ABCB5: variants seen among roughly 807,000 people sequenced by gnomAD.
The protein encoded by ABCB5 is ATP binding cassette subfamily B member 5.
A neutral mutation model predicts 144.2 loss-of-function variants in ABCB5; 155 were observed. The observed-to-expected ratio is 1.08, with a 90% CI of 0.94 to 1.23. The LOEUF is 1.23. Among genes scored for constraint, ABCB5 ranks in the 50% most tolerant of loss-of-function variants. ABCB5 has a pLI of 0.00. For missense variants in ABCB5, 1,830 were observed against 1,520.8 expected (o/e 1.20, Z -3.38); for synonymous variants, 610 against 528.6 (o/e 1.15, Z -2.11).
At chr7:20,661,691 C>T (rs1400539821) in intron 14 of ABCB5, among the ~76,000 whole-genome samples, 4 of 151,764 alleles carry the variant, frequency 2.6e-5, no homozygotes, top group African/African-American at 7.3e-5. Context: ...CGCACCACCA[C>T]GCCCAGCTAA....
intron 14 of ABCB5, among the ~76,000 whole-genome samples, chr7:20,668,600 G>GA (rs1311455162): frequency 1.4e-5 from 2 of 146,540 alleles, no homozygotes; most frequent in South Asian, 2.2e-4. Flanking sequence ...TGGGGGGGGG[G>GA]GTCAGCCCCC....
chr7:20,716,665 A>G (rs1471670873), intron 20 of ABCB5, among the ~76,000 whole-genome samples: 1 of 152,194 alleles, frequency 6.6e-6, no homozygotes, highest in East Asian at 1.9e-4. Flanking sequence ...TCAAAAGACC[A>G]TAGTAAGGAG....
intron 14 of ABCB5, among the ~76,000 whole-genome samples, chr7:20,662,928 TG>T (rs1785049388): frequency 6.6e-6 from 1 of 152,206 alleles, no homozygotes; most frequent in South Asian, 2.1e-4. Flanking sequence ...AAGCCATTTG[TG>T]GGTCCTTATT....
At chr7:20,732,666 T>C (rs1039855683) in intron 23 of ABCB5, among the ~76,000 whole-genome samples, 1 of 152,218 alleles carries the variant, frequency 6.6e-6, no homozygotes, top group Non-Finnish European at 1.5e-5. Context: ...TCTAATTTTC[T>C]TCTTTTCTAC....
In ABCB5 at chr7:20,735,642, G is replaced by A. The variant is rs192701037; in HGVS notation, c.2868-3341G>A. On this transcript the variant is annotated intron_variant, in intron 23 of 27. Coordinates refer to ENST00000404938, the MANE Select transcript of ABCB5 (RefSeq NM_001163941.2). ...AACCACTGAAGGGACCTAAAGAAGAGAAATCAAAGGACAGTTGATATCTAG... is the reference window on the plus strand; with the variant it reads ...AACCACTGAAGGGACCTAAAGAAGAAAAATCAAAGGACAGTTGATATCTAG... Among the ~76,000 whole-genome samples the A allele has an allele frequency of 1.4e-4, 22 of 152,278 alleles. No individual in the cohort carries two copies. In the East Asian group the frequency reaches 3.7e-3, roughly 25 times the overall value.
In ABCB5 at chr7:20,651,424, T is replaced by C. The variant is rs34603556; in HGVS notation, c.1337T>C (p.Met446Thr). The change falls in exon 13 of 28, where the codon ATG (methionine) becomes ACG (threonine). Residue 446 changes from methionine (M) to threonine (T), a missense_variant. Met to Thr is a moderately conservative substitution (Grantham distance 81). Transcript: ENST00000404938. Reference sequence around the variant, plus strand: ...GTTCATTCTTTGGATTGGCAGATCATGGTGGATGAGAATGACATCAGAGCT... The same window carrying C: ...GTTCATTCTTTGGATTGGCAGATCACGGTGGATGAGAATGACATCAGAGCT... ...RLYDPDDGFI[M>T]VDENDIRALN... is the part of the protein sequence containing the mutation. The C allele has an allele frequency of 0.19, 312,453 of 1,613,604 alleles. 32,790 individuals carry two copies. Among genetic ancestry groups the C allele is most frequent in the South Asian group, 0.21 (19,490 of 91,068 alleles).
chr7:20,731,299 G>A (rs1321311597), intron 23 of ABCB5, among the ~76,000 whole-genome samples: 2 of 146,744 alleles, frequency 1.4e-5, no homozygotes, highest in Non-Finnish European at 3.0e-5. Context: ...GTTGCAGTGA[G>A]CCGAGATCAC....
intron 5 of ABCB5, among the ~76,000 whole-genome samples, chr7:20,637,030 C>G (rs1053513165): frequency 6.6e-6 from 1 of 152,052 alleles, no homozygotes; most frequent in African/African-American, 2.4e-5. Context: ...TTGATTTAAT[C>G]CAAGTTTTCC....
At chr7:20,669,734 A>AG (rs1785400015) in intron 14 of ABCB5, among the ~76,000 whole-genome samples, 1 of 110,890 alleles carries the variant, frequency 9.0e-6, no homozygotes, top group Non-Finnish European at 1.8e-5. Flanking sequence ...AAAAAAAAAA[A>AG]AAAAAAAAAG....
rs1185680697 is a variant in ABCB5 at position 20,647,956 on chromosome 7, TG to T, written c.1096-11del. On this transcript the variant is annotated splice_polypyrimidine_tract_variant and intron_variant, in intron 10 of 27. Transcript: ENST00000404938. ...CTTTGAAGATTTATAACATTTCCTT[TG>T]TTTTTCCAAGAAACCCAGTATAGAT... 2 of 1,498,608 alleles carry T rather than the reference TG, an allele frequency of 1.3e-6. No individual in the cohort carries two copies. The highest frequency in any genetic ancestry group is 2.3e-5 in the East Asian group (1 of 44,346). The allele number at this position is 1,498,608 out of a possible 1,614,324, so 92.8% of individuals were successfully genotyped here. A position where few individuals can be genotyped will look rare whatever the true frequency, so the allele number is the denominator to read the frequency against.
chr7:20,743,741 A>G (rs1215058690), intron 25 of ABCB5, among the ~76,000 whole-genome samples: 1 of 152,024 alleles, frequency 6.6e-6, no homozygotes, highest in Non-Finnish European at 1.5e-5. Flanking sequence ...TAAAACTCAG[A>G]CTGCCATGTT....
At chr7:20,749,395 A>ATTTTTTTTTTT (rs34687757) in intron 26 of ABCB5, among the ~76,000 whole-genome samples, 1 of 81,940 alleles carries the variant, frequency 1.2e-5, no homozygotes, top group African/African-American at 5.7e-5. Context: ...TGCCTGCCTA[A>ATTTTTTTTTTT]TTTTTTTTTT....
chr7:20,655,502 A>G (rs1784757315), intron 13 of ABCB5, among the ~76,000 whole-genome samples: 1 of 151,774 alleles, frequency 6.6e-6, no homozygotes, highest in Non-Finnish European at 1.5e-5. Context: ...CCCCAAAAAA[A>G]GCTAGATGTC....
At chr7:20,743,647 T>G (rs1273070131) in intron 25 of ABCB5, among the ~76,000 whole-genome samples, 1 of 152,054 alleles carries the variant, frequency 6.6e-6, no homozygotes, top group Non-Finnish European at 1.5e-5. Context: ...TCCATTACCT[T>G]GTCCTCCCCC....
chr7:20,635,571 T>C (rs1784140074), intron 5 of ABCB5, among the ~76,000 whole-genome samples: 1 of 152,156 alleles, frequency 6.6e-6, no homozygotes, highest in African/African-American at 2.4e-5. Context: ...GTTTGTATCA[T>C]CTGCAATTCC....
intron 15 of ABCB5, among the ~76,000 whole-genome samples, chr7:20,685,208 T>C (rs28515741): frequency 0.032 from 4,906 of 152,214 alleles, 278 homozygotes; most frequent in African/African-American, 0.11. Context: ...GCCCTGTTAG[T>C]TTTGTGTTTT....
chr7:20,664,020 A>C (rs1255484003), intron 14 of ABCB5, among the ~76,000 whole-genome samples: 5 of 123,508 alleles, frequency 4.0e-5, no homozygotes, highest in Non-Finnish European at 8.2e-5. Flanking sequence ...CCAGTCAGGC[A>C]ATTTTTTTTT....
chr7:20,634,238 T>TTGTG (rs10688708), intron 5 of ABCB5, among the ~76,000 whole-genome samples: 14,032 of 140,444 alleles, frequency 0.1, 725 homozygotes, highest in South Asian at 0.16. Flanking sequence ...GTATTCCATG[T>TTGTG]TGTGTGTGTG....
intron 1 of ABCB5, among the ~76,000 whole-genome samples, chr7:20,619,721 G>C (rs1783768811): frequency 6.6e-6 from 1 of 152,120 alleles, no homozygotes; most frequent in Non-Finnish European, 1.5e-5. Context: ...TGTCACAATT[G>C]CTTTGAGGAT....
Sources: allele counts gnomAD v4.1 joint callset (sites outside exome capture counted in the v4.1 genomes callset), GRCh38; gene constraint gnomAD v4.1.1; transcripts MANE v1.5; gene names NCBI Gene and HGNC (gene_info 2026-07-23, HGNC 2026-07-21).